CPNE4: variants seen among roughly 807,000 people sequenced by gnomAD.
The protein encoded by CPNE4 is copine-4.
Under a neutral mutation model 67.9 loss-of-function variants are expected in CPNE4, and 25 were observed. The ratio of observed to expected loss-of-function variants is 0.37; its 90% CI spans 0.27 to 0.51. CPNE4 has a LOEUF of 0.51. Ranked by LOEUF, CPNE4 falls within the 20% of genes least tolerant of loss-of-function variation. The pLI, the probability that CPNE4 is intolerant of heterozygous loss-of-function variation, is 0.93. For missense variants in CPNE4, 464 were observed against 690.8 expected (o/e 0.67, Z 3.68); for synonymous variants, 242 against 244.9 (o/e 0.99, Z 0.11).
intron 2 of CPNE4, among the ~76,000 whole-genome samples, chr3:131,741,656 T>C (rs1270977755): frequency 6.6e-6 from 1 of 151,574 alleles, no homozygotes; most frequent in Non-Finnish European, 1.5e-5. Context: ...ACTTTAATTA[T>C]AATTATAATA....
intron 2 of CPNE4, among the ~76,000 whole-genome samples, chr3:131,879,074 CTAACT>C (rs1442102154): frequency 6.6e-6 from 1 of 152,230 alleles, no homozygotes; most frequent in Non-Finnish European, 1.5e-5. Context: ...GGTAAGCCTA[CTAACT>C]TAACTATTAG....
intron 1 of CPNE4, chr3:131,925,729 C>G (rs2070875786): frequency 6.6e-6 from 1 of 152,156 alleles, no homozygotes; most frequent in Admixed American, 6.5e-5. Flanking sequence ...TGCATCAACC[C>G]TCTGTAGGAT....
At chr3:131,757,411 A>AG (rs1433239441) in intron 2 of CPNE4, among the ~76,000 whole-genome samples, 13 of 152,202 alleles carry the variant, frequency 8.5e-5, no homozygotes, top group Non-Finnish European at 1.5e-4. Context: ...CCCCTGCCAT[A>AG]GAGATTTGTG....
At chr3:131,683,975 C>T (rs114686949) in intron 6 of CPNE4, among the ~76,000 whole-genome samples, 2,618 of 152,166 alleles carry the variant, frequency 0.017, 45 homozygotes, top group African/African-American at 0.046. Flanking sequence ...ATCACTGTCT[C>T]TTCCCCAAGC....
rs1005698516 is a variant in CPNE4, at chr3:131,627,708, G to A, written c.682-40126C>T. Among the ~76,000 whole-genome samples, 5 of 152,196 alleles carry A rather than the reference G, an allele frequency of 3.3e-5. No individual in the cohort carries two copies. In the East Asian group the frequency reaches 9.6e-4, roughly 29 times the overall value. ...TAGGAGTTTGGAAGTTGATTTTAAT[G>A]CTCAGGGATGACTTTGAGGAATTCA... On this transcript the variant is annotated intron_variant, in intron 7 of 15. Transcript: ENST00000429747.
intron 15 of CPNE4, chr3:131,537,755 C>A (rs568888892): frequency 1.1e-4 from 18 of 158,734 alleles, no homozygotes; most frequent in Non-Finnish European, 2.5e-4. Flanking sequence ...GCTATAGCAA[C>A]CATTTTATCA....
chr3:131,964,987 A>G (rs1436929953), intron 1 of CPNE4, among the ~76,000 whole-genome samples: 1 of 152,198 alleles, frequency 6.6e-6, no homozygotes, highest in South Asian at 2.1e-4. Context: ...AGGTAAGGTT[A>G]CCTATAAAGG....
intron 1 of CPNE4, among the ~76,000 whole-genome samples, chr3:132,011,214 G>A (rs1225219088): frequency 6.6e-6 from 1 of 152,210 alleles, no homozygotes; most frequent in Non-Finnish European, 1.5e-5. Context: ...CAGGCCCACA[G>A]TAGATAGATC....
intron 1 of CPNE4, among the ~76,000 whole-genome samples, chr3:131,973,231 A>G (rs1225500296): frequency 1.3e-5 from 2 of 152,292 alleles, no homozygotes; most frequent in East Asian, 3.9e-4. Context: ...GGAGATTTTC[A>G]GCTGTGTTCA....
At chr3:131,787,515 G>A (rs955400566) in intron 2 of CPNE4, among the ~76,000 whole-genome samples, 4 of 152,172 alleles carry the variant, frequency 2.6e-5, no homozygotes, top group South Asian at 2.1e-4. Context: ...CAGAGCTTGT[G>A]TGAGGTGTTC....
At chr3:131,937,882 A>G (rs73206098) in intron 1 of CPNE4, among the ~76,000 whole-genome samples, 9,841 of 152,232 alleles carry the variant, frequency 0.065, 422 homozygotes, top group East Asian at 0.13. Context: ...TCAGGTAGAA[A>G]GAGAGAGGAA....
chr3:131,719,838 G>C (rs758766430), intron 3 of CPNE4, among the ~76,000 whole-genome samples: 1 of 152,172 alleles, frequency 6.6e-6, no homozygotes, highest in South Asian at 2.1e-4. Flanking sequence ...GTTTCTTCAT[G>C]CGTGTCTCTT....
intron 7 of CPNE4, among the ~76,000 whole-genome samples, chr3:131,612,622 G>T (rs754727776): frequency 6.6e-6 from 1 of 152,042 alleles, no homozygotes; most frequent in Non-Finnish European, 1.5e-5. Context: ...CCGGGCACAG[G>T]CATTATCATT....
At chr3:131,827,745 A>C (rs1008130105) in intron 2 of CPNE4, among the ~76,000 whole-genome samples, 1 of 152,034 alleles carries the variant, frequency 6.6e-6, no homozygotes, top group Non-Finnish European at 1.5e-5. Flanking sequence ...TGAATTTGTA[A>C]TAGAAACAAA....
intron 7 of CPNE4, among the ~76,000 whole-genome samples, chr3:131,661,154 A>T (rs918245052): frequency 4.6e-5 from 7 of 152,208 alleles, no homozygotes; most frequent in Non-Finnish European, 7.3e-5. Context: ...GAACAATTAC[A>T]GAGTTCAATG....
chr3:131,794,561 G>A (rs1044948379), intron 2 of CPNE4, among the ~76,000 whole-genome samples: 1 of 152,136 alleles, frequency 6.6e-6, no homozygotes, highest in Non-Finnish European at 1.5e-5. Flanking sequence ...CATTTCTAGG[G>A]ATGTGGTTGA....
chr3:131,811,467 AAAG>A (rs780701831), intron 2 of CPNE4, among the ~76,000 whole-genome samples: 8 of 152,150 alleles, frequency 5.3e-5, no homozygotes, highest in African/African-American at 1.2e-4. Flanking sequence ...AAGAGAAATG[AAAG>A]AAGGACAACT....
intron 2 of CPNE4, among the ~76,000 whole-genome samples, chr3:131,741,190 ATAATG>A (rs1384055007): frequency 2.6e-5 from 4 of 152,160 alleles, no homozygotes; most frequent in Admixed American, 2.6e-4. Context: ...TTATCCCGGC[ATAATG>A]TAAAGTAAAT....
At position 132,034,992 on chromosome 3, in the gene CPNE4, C is replaced by T; in HGVS notation, c.-427G>A. The T allele has an allele frequency of 1.0e-6, 1 of 985,344 alleles. No individual in the cohort carries two copies. The allele number at this position is 985,344 out of a possible 1,614,324, so 61.0% of individuals were successfully genotyped here. ...GTGGCGGGGAGATGGCAGCTTCTCA[C>T]AGAGAGATTTCCACCTTCTGACGAA... On this transcript the variant is annotated 5_prime_UTR_variant, in exon 1 of 16. It adds an upstream start codon to the 5' untranslated region. Transcript: ENST00000429747.
Sources: allele counts gnomAD v4.1 joint callset (sites outside exome capture counted in the v4.1 genomes callset), GRCh38; gene constraint gnomAD v4.1.1; transcripts MANE v1.5; gene names NCBI Gene and HGNC (gene_info 2026-07-23, HGNC 2026-07-21).